Variants in UNC79 observed in about 807,000 individuals in gnomAD.
The protein encoded by UNC79 is unc-79 subunit of NALCN channel complex, also known as protein unc-79 homolog.
Under a neutral mutation model 283.1 loss-of-function variants are expected in UNC79, and 37 were observed. The observed-to-expected ratio is 0.13, with a 90% CI of 0.10 to 0.17. The LOEUF (loss-of-function observed/expected upper bound fraction) is 0.17. Among genes scored for constraint, UNC79 ranks in the 10% least tolerant of loss-of-function variants. UNC79 has a pLI of 1.00. For synonymous variants in UNC79, 1,107 were observed against 1,200.2 expected, an observed-to-expected ratio of 0.92 and a Z score of 1.61; for missense variants, 2,272 against 3,211.1, an observed-to-expected ratio of 0.71 and a Z score of 7.07.
chr14:93,575,342 A>G, intron 17 of UNC79, 144 bp downstream of exon 17: 1 of 884,164 alleles, frequency 1.1e-6, no homozygotes, highest in Admixed American at 2.9e-5. Flanking sequence ...TAAGTGCATT[A>G]AATAGTCACA....
At chr14:93,516,784 A>G (rs1382026910) in intron 7 of UNC79, among the ~76,000 whole-genome samples, 2 of 152,036 alleles carry the variant, frequency 1.3e-5, no homozygotes, top group East Asian at 3.9e-4. Context: ...CATTGACTAT[A>G]TAGTTTAATT....
intron 1 of UNC79, among the ~76,000 whole-genome samples, chr14:93,405,392 T>C (rs1263881824): frequency 6.6e-6 from 1 of 151,718 alleles, no homozygotes; most frequent in Non-Finnish European, 1.5e-5. Flanking sequence ...AACTAAAAAC[T>C]GACAGAATTA....
chr14:93,618,131 G>A, intron 28 of UNC79, 61 bp from the exon 30 acceptor site: 1 of 1,531,554 alleles, frequency 6.5e-7, no homozygotes, highest in Non-Finnish European at 8.8e-7. Flanking sequence ...GCAAGATCAG[G>A]TGGAAAAGCT....
chr14:93,402,531 CA>C (rs2055132322), intron 1 of UNC79, among the ~76,000 whole-genome samples: 1 of 151,792 alleles, frequency 6.6e-6, no homozygotes, highest in Non-Finnish European at 1.5e-5. Context: ...GAAATATATA[CA>C]CCATTGAAAT....
exon 36 of UNC79, chr14:93,653,832 G>A (rs1315689233): frequency 6.2e-7 from 1 of 1,614,154 alleles, no homozygotes; most frequent in African/African-American, 1.3e-5. Context: ...TCTTCCCGCA[G>A]CTGTTCCAAA....
intron 1 of UNC79, among the ~76,000 whole-genome samples, chr14:93,353,006 A>C (rs889821825): frequency 3.3e-5 from 5 of 152,196 alleles, no homozygotes; most frequent in African/African-American, 1.2e-4. Flanking sequence ...TGGTAGGTTC[A>C]ACAGTTGGGG....
At chr14:93,593,511 A>G (rs2064841675) in intron 22 of UNC79, among the ~76,000 whole-genome samples, 169 bp from the exon 23 acceptor site, 1 of 152,232 alleles carries the variant, frequency 6.6e-6, no homozygotes, top group Non-Finnish European at 1.5e-5. Context: ...AGGACAGAGC[A>G]TAGGAAACGT....
chr14:93,610,459 T>C (rs2066216287), intron 26 of UNC79, among the ~76,000 whole-genome samples: 1 of 152,172 alleles, frequency 6.6e-6, no homozygotes, highest in African/African-American at 2.4e-5. Context: ...GTAACAGCCA[T>C]TACTTGCTGC....
intron 19 of UNC79, 116 bp from the exon 20 acceptor site, chr14:93,582,087 A>G: frequency 6.5e-7 from 1 of 1,530,740 alleles, no homozygotes; most frequent in East Asian, 2.3e-5. Flanking sequence ...CTCTGGCCTC[A>G]GCAGCATGGG....
intron 1 of UNC79, among the ~76,000 whole-genome samples, chr14:93,449,557 G>T (rs2056568035): frequency 1.3e-5 from 2 of 151,844 alleles, no homozygotes; most frequent in East Asian, 3.9e-4. Flanking sequence ...GTTTGAGGTT[G>T]CAGTGACCAG....
intron 14 of UNC79, among the ~76,000 whole-genome samples, chr14:93,550,535 A>AAAG (rs2061837193): frequency 6.8e-6 from 1 of 146,908 alleles, no homozygotes; most frequent in Non-Finnish European, 1.5e-5. Flanking sequence ...AAAAAAAAAA[A>AAAG]AAAAAAGAGG....
intron 1 of UNC79, among the ~76,000 whole-genome samples, chr14:93,380,638 A>G (rs2054647329): frequency 6.6e-6 from 1 of 152,242 alleles, no homozygotes; most frequent in South Asian, 2.1e-4. Flanking sequence ...TATAAGCTCC[A>G]TGAAGGCCAG....
At chr14:93,464,506 G>T (rs2057082503) in intron 1 of UNC79, 1 of 455,894 alleles carries the variant, frequency 2.2e-6, no homozygotes, top group Non-Finnish European at 4.4e-6. Flanking sequence ...CCCTTTTAAA[G>T]GCCTTATCTC....
intron 14 of UNC79, among the ~76,000 whole-genome samples, chr14:93,566,020 G>A (rs2062855190): frequency 6.6e-6 from 1 of 152,178 alleles, no homozygotes; most frequent in Admixed American, 6.6e-5. Flanking sequence ...CAGGAGAGGA[G>A]GGAAAGCATA....
intron 13 of UNC79, among the ~76,000 whole-genome samples, chr14:93,541,328 T>G (rs2061360026): frequency 6.6e-6 from 1 of 152,214 alleles, no homozygotes; most frequent in Non-Finnish European, 1.5e-5. Flanking sequence ...GGAATATGAT[T>G]GCTATTGACT....
At chr14:93,627,720 G>A (rs928089286) in intron 30 of UNC79, among the ~76,000 whole-genome samples, 1 of 152,172 alleles carries the variant, frequency 6.6e-6, no homozygotes, top group Non-Finnish European at 1.5e-5. Flanking sequence ...AAAGTCACAT[G>A]GTGAAAGGCA....
chr14:93,492,597 G>A (rs1477665950), intron 5 of UNC79, among the ~76,000 whole-genome samples: 16 of 152,164 alleles, frequency 1.1e-4, no homozygotes, highest in Middle Eastern at 3.4e-3. Flanking sequence ...CAAGTGATCC[G>A]CCTGTCTTGG....
intron 1 of UNC79, among the ~76,000 whole-genome samples, chr14:93,375,431 T>C (rs949548204): frequency 6.6e-6 from 1 of 152,186 alleles, no homozygotes; most frequent in African/African-American, 2.4e-5. Context: ...TGCCTTCATG[T>C]ATGGATTAAT....
intron 41 of UNC79, among the ~76,000 whole-genome samples, chr14:93,680,031 TA>T (rs904312782): frequency 1.6e-4 from 25 of 152,166 alleles, no homozygotes; most frequent in African/African-American, 4.1e-4. Flanking sequence ...AATGCATGGA[TA>T]AAAAAAAGAT....
Sources: allele counts gnomAD v4.1 joint callset (sites outside exome capture counted in the v4.1 genomes callset), GRCh38; gene constraint gnomAD v4.1.1; transcripts MANE v1.5; gene names NCBI Gene and HGNC (gene_info 2026-07-23, HGNC 2026-07-21).